The following ZNF609 variants were observed in gnomAD, a reference collection of about 807,000 sequenced individuals.
ZNF609 encodes zinc finger protein 609.
A neutral mutation model predicts 109.5 loss-of-function variants in ZNF609; 11 were observed. The observed-to-expected ratio is 0.10, with a 90% CI of 0.06 to 0.17. The LOEUF (loss-of-function observed/expected upper bound fraction) is 0.17. ZNF609 is among the 10% of genes least tolerant of loss of function. The probability of loss-of-function intolerance (pLI) is 1.00; values close to 1 mark genes in which losing one functional copy is unlikely to be tolerated. For missense variants in ZNF609, 1,559 were observed against 1,772.4 expected (o/e 0.88, Z 2.16); for synonymous variants, 646 against 662.0 (o/e 0.98, Z 0.37).
chr15:64,516,498 C>A (rs1893812666), intron 2 of ZNF609, among the ~76,000 whole-genome samples: 1 of 152,132 alleles, frequency 6.6e-6, no homozygotes, highest in African/African-American at 2.4e-5. Flanking sequence ...CACAGCCTCC[C>A]AAGTAGTTGG....
chr15:64,610,556 G>A lies in ZNF609; in HGVS notation c.748-12271G>A, dbSNP rs143500810. 2.4e-3 allele frequency among the ~76,000 whole-genome samples: 363 copies of A among 152,254 alleles called. 1 individual carries two copies. The highest frequency in any genetic ancestry group is 8.4e-3 in the African/African-American group (348 of 41,520). On this transcript the variant is annotated intron_variant, in intron 2 of 9. Coordinates refer to ENST00000326648, the MANE Select transcript of ZNF609 (RefSeq NM_015042.2). The stretch of plus-strand genomic sequence containing the variant: ...CCCAGCTACTCAGGAGACTGAGGCC[G>A]GAGGATCGTTGAGTCCAGGAGTTCA...
At chr15:64,497,774 G>A (rs751818805) in intron 1 of ZNF609, among the ~76,000 whole-genome samples, 8 of 151,660 alleles carry the variant, frequency 5.3e-5, no homozygotes, top group South Asian at 2.1e-4. Flanking sequence ...TGTGGTGCAC[G>A]CCTGTAATCC....
intron 1 of ZNF609, among the ~76,000 whole-genome samples, chr15:64,489,432 G>A (rs1444146713): frequency 1.1e-4 from 16 of 151,180 alleles, no homozygotes; most frequent in Admixed American, 3.3e-4. Flanking sequence ...CACCCGCCTC[G>A]GCCTCCCAAA....
At chr15:64,461,783 A>C (rs757574421) in intron 1 of ZNF609, among the ~76,000 whole-genome samples, 13 of 152,152 alleles carry the variant, frequency 8.5e-5, no homozygotes, top group Non-Finnish European at 1.8e-4. Flanking sequence ...GTTTCCAGCC[A>C]TGTGTCCAGA....
intron 2 of ZNF609, among the ~76,000 whole-genome samples, chr15:64,522,401 C>T (rs1893904952): frequency 6.6e-6 from 1 of 152,212 alleles, no homozygotes; most frequent in Non-Finnish European, 1.5e-5. Context: ...TGAATCTCAA[C>T]TCTGTCCCTT....
chr15:64,668,952 CAAAAAAAAAAAAA>C (rs538954402), intron 3 of ZNF609, among the ~76,000 whole-genome samples: 2 of 34,980 alleles, frequency 5.7e-5, no homozygotes, highest in Non-Finnish European at 1.1e-4. Flanking sequence ...AACTCCGTCT[CAAAAAAAAAAAAA>C]AAAAAAAAAA....
chr15:64,590,296 A>G (rs1472547569), intron 2 of ZNF609, among the ~76,000 whole-genome samples: 2 of 152,156 alleles, frequency 1.3e-5, no homozygotes, highest in African/African-American at 4.8e-5. Flanking sequence ...GAGAGAGCGT[A>G]TGGGATAAAT....
intron 2 of ZNF609, among the ~76,000 whole-genome samples, chr15:64,588,442 A>AAAAAAAAAAAAAAAAAAAAACAG (rs71133451): frequency 1.3e-5 from 1 of 75,272 alleles, no homozygotes; most frequent in African/African-American, 5.1e-5. Context: ...AAAAAAAAAA[A>AAAAAAAAAAAAAAAAAAAAACAG]AAGAAGAGGA....
Position 64,532,299 on chromosome 15 carries a change from T to G in ZNF609, c.747+32133T>G, listed in dbSNP as rs144832664. Among the ~76,000 whole-genome samples the G allele has an allele frequency of 9.2e-5, 14 of 152,348 alleles. No individual in the cohort carries two copies. In the East Asian group the frequency reaches 2.7e-3, roughly 29 times the overall value. ...TTCTCGAAGCACTAATCTTTTTAAT[T>G]TACTATGTGTATACTTTATTATGCT... On this transcript the variant is annotated intron_variant, in intron 2 of 9. Coordinates refer to ENST00000326648, the MANE Select transcript of ZNF609 (RefSeq NM_015042.2).
At chr15:64,605,343 G>A (rs1222349390) in intron 2 of ZNF609, among the ~76,000 whole-genome samples, 4 of 152,142 alleles carry the variant, frequency 2.6e-5, no homozygotes, top group African/African-American at 9.7e-5. Context: ...AGGTAATAGA[G>A]ATTCCCCTGC....
intron 3 of ZNF609, among the ~76,000 whole-genome samples, chr15:64,644,326 A>C (rs1029261176): frequency 6.6e-6 from 1 of 151,978 alleles, no homozygotes; most frequent in African/African-American, 2.4e-5. Flanking sequence ...CTCTACAAAA[A>C]AAAATTTAAA....
intron 2 of ZNF609, among the ~76,000 whole-genome samples, chr15:64,593,916 G>A (rs1294291214): frequency 6.6e-6 from 1 of 152,174 alleles, no homozygotes; most frequent in Non-Finnish European, 1.5e-5. Flanking sequence ...CATATTAATA[G>A]TTTTGTGTTG....
At chr15:64,512,864 G>A (rs1014048333) in intron 2 of ZNF609, among the ~76,000 whole-genome samples, 5 of 152,194 alleles carry the variant, frequency 3.3e-5, no homozygotes, top group Non-Finnish European at 7.4e-5. Flanking sequence ...GATATGTGTT[G>A]CAGGTTTGTT....
chr15:64,524,355 G>C (rs1893938487), intron 2 of ZNF609, among the ~76,000 whole-genome samples: 2 of 152,198 alleles, frequency 1.3e-5, no homozygotes, highest in Non-Finnish European at 2.9e-5. Context: ...CACAAGGTCA[G>C]GAGTTCGATA....
At chr15:64,539,276 C>A (rs1376212609) in intron 2 of ZNF609, among the ~76,000 whole-genome samples, 1 of 149,420 alleles carries the variant, frequency 6.7e-6, no homozygotes, top group East Asian at 2.0e-4. Context: ...GGCGCGATCT[C>A]GGCTCACTGC....
chr15:64,674,820 G>C lies in ZNF609; in HGVS notation c.1966G>C (p.Ala656Pro). The stretch of plus-strand genomic sequence containing the variant: ...GATTCCTTCCAAGAGCCTAAAGTCA[G>C]CCCGTCCCATTGCCCCTGCCATCCC... Reference protein sequence around the residue: ...EKIPSKSLKSARPIAPAIPPQ... With the variant: ...EKIPSKSLKSPRPIAPAIPPQ... The change falls in exon 5 of 10, where the codon GCC (alanine) becomes CCC (proline). Residue 656 changes from alanine (A) to proline (P), a missense_variant. Coordinates refer to ENST00000326648, the MANE Select transcript of ZNF609 (RefSeq NM_015042.2). 6.2e-7 allele frequency: 1 copy of C among 1,614,072 alleles called. No homozygotes were observed. The highest frequency in any genetic ancestry group is 8.5e-7 in the Non-Finnish European group (1 of 1,180,000).
chr15:64,559,584 A>G (rs1016146504), intron 2 of ZNF609, among the ~76,000 whole-genome samples: 2 of 152,230 alleles, frequency 1.3e-5, no homozygotes, highest in Non-Finnish European at 2.9e-5. Context: ...GAGGAATGAA[A>G]TAATGACATA....
chr15:64,476,748 C>A (rs145911438), intron 1 of ZNF609, among the ~76,000 whole-genome samples: 1 of 152,122 alleles, frequency 6.6e-6, no homozygotes, highest in African/African-American at 2.4e-5. Flanking sequence ...TAACCCAGTT[C>A]CCTGAGGGGT....
intron 2 of ZNF609, among the ~76,000 whole-genome samples, chr15:64,610,460 A>C (rs1895698768): frequency 2.0e-5 from 3 of 152,108 alleles, no homozygotes; most frequent in South Asian, 4.1e-4. Context: ...AAACCTGCAT[A>C]TGTACCCCTG....
Sources: gnomAD v4.1 joint callset for allele counts (sites outside exome capture counted in the v4.1 genomes callset) on GRCh38, gnomAD v4.1.1 for gene constraint, MANE v1.5 for transcripts, NCBI Gene and HGNC (gene_info 2026-07-23, HGNC 2026-07-21) for gene names.